The following CUL2 variants were observed in gnomAD, a reference collection of about 807,000 sequenced individuals.
CUL2 encodes the protein cullin 2, also known as cullin-2.
In CUL2, 22 loss-of-function variants were observed where a neutral mutation model predicts 110.2. That is an observed-to-expected ratio of 0.20 (90% CI 0.14 to 0.28). The LOEUF is 0.28. Among genes scored for constraint, CUL2 ranks in the 10% least tolerant of loss-of-function variants. The pLI is 1.00. For synonymous variants in CUL2, 279 were observed against 293.2 expected, an observed-to-expected ratio of 0.95 and a Z score of 0.49; for missense variants, 631 against 905.5, an observed-to-expected ratio of 0.70 and a Z score of 3.89.
chr10:35,031,579 T>C lies in CUL2; in HGVS notation c.1211A>G (p.Lys404Arg). 1 of 1,614,100 alleles carries C rather than the reference T, an allele frequency of 6.2e-7. No homozygotes were observed. The highest frequency in any genetic ancestry group is 8.5e-7 in the Non-Finnish European group (1 of 1,179,960). ...TTCCACTTCATTCTCTGTCATCCCT[T>C]TCGCTGACTTCTTCAGTAAGTTGTC... ...YCDNLLKKSA[K>R]GMTENEVEDR... is the part of the protein sequence containing the mutation. The change falls in exon 13 of 21, where the codon AAA becomes AGA. Residue 404 changes from lysine to arginine, a missense_variant. Lys to Arg is a conservative substitution (Grantham distance 26, BLOSUM62 2). This residue lies in a region of CUL2 where 134 missense variants were observed against 260.4 expected (regional missense o/e 0.51). Transcript: ENST00000374749. This position sits in a 1 kb window ranked among gnomAD's most constrained non-coding sequence, Gnocchi z 4.4.
chr10:35,013,992 T>C (rs1008153924), intron 18 of CUL2, among the ~76,000 whole-genome samples, 192 bp from the exon 19 acceptor site: 4 of 152,202 alleles, frequency 2.6e-5, no homozygotes, highest in African/African-American at 9.6e-5. Context: ...ACCCAATTAT[T>C]TTCTACTTTT....
At chr10:35,078,153 A>G (rs2086867223) in intron 1 of CUL2, among the ~76,000 whole-genome samples, 1 of 152,146 alleles carries the variant, frequency 6.6e-6, no homozygotes, top group Non-Finnish European at 1.5e-5. Context: ...AGGTTTCCAA[A>G]GTTGTAGGAG....
At chr10:35,112,702 G>A (rs2087537065) in intron 1 of CUL2, among the ~76,000 whole-genome samples, 1 of 152,146 alleles carries the variant, frequency 6.6e-6, no homozygotes, top group South Asian at 2.1e-4. Context: ...CCTCACACAG[G>A]GCTGGAAATA....
chr10:35,111,307 A>G (rs1164383791), intron 1 of CUL2, among the ~76,000 whole-genome samples: 2 of 151,150 alleles, frequency 1.3e-5, no homozygotes, highest in Non-Finnish European at 2.9e-5. Flanking sequence ...ACTGGAGTGC[A>G]GTGGTACAAT....
At chr10:35,025,405 T>C (rs1276840466) in intron 16 of CUL2, among the ~76,000 whole-genome samples, 2 of 152,224 alleles carry the variant, frequency 1.3e-5, no homozygotes, top group Non-Finnish European at 2.9e-5. Context: ...GCTCTTTTAA[T>C]TGACAACTTG....
intron 1 of CUL2, among the ~76,000 whole-genome samples, chr10:35,123,680 A>G (rs899460141): frequency 6.6e-6 from 1 of 152,194 alleles, no homozygotes; most frequent in Admixed American, 6.5e-5. Flanking sequence ...TGCCATTAAC[A>G]TTGCTAAAAC....
At chr10:35,054,670 AAATG>A (rs1193482465) in intron 4 of CUL2, 131 bp from the exon 5 acceptor site, 1 of 516,022 alleles carries the variant, frequency 1.9e-6, no homozygotes, top group Admixed American at 3.8e-5. Flanking sequence ...AATCCAAAAG[AAATG>A]AATTATGTAG....
chr10:35,100,220 T>A (rs2087358268), intron 2 of CUL2, among the ~76,000 whole-genome samples: 2 of 152,152 alleles, frequency 1.3e-5, no homozygotes, highest in Non-Finnish European at 2.9e-5. Context: ...TCTTTTGCTA[T>A]TAGAAATAAA....
intron 1 of CUL2, among the ~76,000 whole-genome samples, chr10:35,115,989 A>T (rs2087592502): frequency 6.6e-6 from 1 of 152,144 alleles, no homozygotes; most frequent in Non-Finnish European, 1.5e-5. Flanking sequence ...GATAAAAATT[A>T]CCAAGATTTG....
chr10:35,091,714 G>A (rs936807129), upstream of CUL2, among the ~76,000 whole-genome samples: 2 of 151,820 alleles, frequency 1.3e-5, no homozygotes, highest in African/African-American at 4.8e-5. Flanking sequence ...TGCACCTCCC[G>A]GGTTCAAGTG....
intron 5 of CUL2, among the ~76,000 whole-genome samples, chr10:35,051,081 T>C (rs12245096): frequency 0.37 from 55,289 of 148,554 alleles, 10,109 homozygotes; most frequent in African/African-American, 0.41. Context: ...TTTGGGAGGC[T>C]GAGACGGGCG....
At chr10:35,056,935 C>G (rs908084868) in intron 4 of CUL2, among the ~76,000 whole-genome samples, 3 of 152,206 alleles carry the variant, frequency 2.0e-5, no homozygotes, top group African/African-American at 7.2e-5. Context: ...CTCACTACTT[C>G]CTTTGACTTC....
intron 1 of CUL2, among the ~76,000 whole-genome samples, chr10:35,104,892 G>C (rs1387828047): frequency 6.6e-6 from 1 of 151,788 alleles, no homozygotes; most frequent in Non-Finnish European, 1.5e-5. Flanking sequence ...ACCACACCCA[G>C]CTAATTTTGT....
chr10:35,021,281 G>A (rs1318474555), intron 17 of CUL2, among the ~76,000 whole-genome samples: 1 of 150,266 alleles, frequency 6.7e-6, no homozygotes, highest in East Asian at 1.9e-4. Flanking sequence ...TTTTGAGACG[G>A]AGTCTTGCTC....
intron 1 of CUL2, among the ~76,000 whole-genome samples, chr10:35,071,612 G>T (rs532258547): frequency 2.0e-5 from 3 of 152,278 alleles, no homozygotes; most frequent in Admixed American, 1.3e-4. Flanking sequence ...GTTTCACTGT[G>T]TTAGCCAGGA....
intron 2 of CUL2, among the ~76,000 whole-genome samples, chr10:35,099,159 G>A (rs11010087): frequency 2.0e-5 from 3 of 151,934 alleles, no homozygotes; most frequent in East Asian, 3.9e-4. Flanking sequence ...TTGGGAGGCC[G>A]AGGAGGGCAG....
intron 2 of CUL2, among the ~76,000 whole-genome samples, chr10:35,097,850 T>A (rs2087320677): frequency 1.3e-5 from 2 of 152,008 alleles, no homozygotes; most frequent in South Asian, 4.2e-4. Context: ...TCCCAGCTAC[T>A]GGGGAGGCTG....
chr10:35,105,304 T>C (rs2087439236), intron 1 of CUL2, among the ~76,000 whole-genome samples: 1 of 151,858 alleles, frequency 6.6e-6, no homozygotes, highest in African/African-American at 2.4e-5. Flanking sequence ...CCGGCGCCTG[T>C]AGTCCCAGCT....
intron 2 of CUL2, among the ~76,000 whole-genome samples, chr10:35,067,314 G>A (rs2086557913): frequency 6.6e-6 from 1 of 152,070 alleles, no homozygotes; most frequent in Non-Finnish European, 1.5e-5. Flanking sequence ...TCCTCCAGTA[G>A]GAAAATGTCT....
Sources: allele counts gnomAD v4.1 joint callset (sites outside exome capture counted in the v4.1 genomes callset), GRCh38; gene constraint gnomAD v4.1.1; regional missense constraint gnomAD v4.1.1; non-coding constraint Gnocchi (gnomAD v3.1); transcripts MANE v1.5; gene names NCBI Gene and HGNC (gene_info 2026-07-23, HGNC 2026-07-21).